The following DYNC1LI2 variants were observed in gnomAD, a reference collection of about 807,000 sequenced individuals.
DYNC1LI2 encodes the protein dynein cytoplasmic 1 light intermediate chain 2, also known as cytoplasmic dynein 1 light intermediate chain 2.
A neutral mutation model predicts 57.8 loss-of-function variants in DYNC1LI2; 19 were observed. The ratio of observed to expected loss-of-function variants is 0.33; its 90% CI spans 0.23 to 0.48. The LOEUF (loss-of-function observed/expected upper bound fraction) is 0.48. Among genes scored for constraint, DYNC1LI2 ranks in the 20% least tolerant of loss-of-function variants. The pLI, the probability that DYNC1LI2 is intolerant of heterozygous loss-of-function variation, is 0.99. For missense variants in DYNC1LI2, 470 were observed against 604.2 expected (o/e 0.78, Z 2.33); for synonymous variants, 256 against 233.4 (o/e 1.10, Z -0.88).
chr16:66,732,159 C>T (rs2017648406), intron 7 of DYNC1LI2, 180 bp downstream of exon 7: 5 of 827,214 alleles, frequency 6.0e-6, no homozygotes, highest in African/African-American at 1.7e-5. Context: ...CCCCTGACCA[C>T]ACCACCCACT....
At position 66,737,274 on chromosome 16, in the gene DYNC1LI2, TCAAAAAACAAAACAAAA is replaced by T. The variant is rs914071776; in HGVS notation, c.530-1047_530-1031del. 2.6e-5 allele frequency among the ~76,000 whole-genome samples: 4 copies of T among 151,082 alleles called. No homozygotes were observed. In the East Asian group the frequency reaches 5.9e-4, roughly 22 times the overall value. ...CTGGGCAACAGAGTGAGACTATACC[TCAAAAAACAAAACAAAA>T]CAAAAAACAAAAACAAACAAAAAAC... On this transcript the variant is annotated intron_variant, in intron 4 of 12. Coordinates refer to ENST00000258198, the MANE Select transcript of DYNC1LI2 (RefSeq NM_006141.3).
intron 6 of DYNC1LI2, 68 bp downstream of exon 6, chr16:66,734,150 T>G: frequency 6.8e-7 from 1 of 1,478,862 alleles, no homozygotes; most frequent in Non-Finnish European, 9.4e-7. Context: ...AGGTGCTTTA[T>G]CTCTTTGAAG....
At chr16:66,750,718 G>A (rs1218174075) in intron 2 of DYNC1LI2, among the ~76,000 whole-genome samples, 1 of 152,194 alleles carries the variant, frequency 6.6e-6, no homozygotes, top group East Asian at 1.9e-4. Context: ...CTGTGTGAAT[G>A]TACCCAAACT....
chr16:66,735,175 C>T (rs2017711938), intron 5 of DYNC1LI2, among the ~76,000 whole-genome samples: 1 of 149,906 alleles, frequency 6.7e-6, no homozygotes, highest in South Asian at 2.1e-4. Flanking sequence ...GCCATCTCAG[C>T]TCACTGCAAC....
rs1283378158 is a variant in DYNC1LI2, at chr16:66,722,723, C to T, written c.*999G>A. 6.5e-6 allele frequency: 1 copy of T among 153,146 alleles called. No individual in the cohort carries two copies. The highest frequency in any genetic ancestry group is 1.9e-4 in the East Asian group (1 of 5,204). The allele number at this position is 153,146 out of a possible 1,614,324, so 9.5% of individuals were successfully genotyped here. On this transcript the variant is annotated 3_prime_UTR_variant, in exon 13 of 13. Transcript: ENST00000258198. ...GCAGGGCTTGGTACGAGCCAATTAA[C>T]CAGAGTGCAATTACATTAAAAACCT...
intron 5 of DYNC1LI2, among the ~76,000 whole-genome samples, chr16:66,735,294 T>C (rs2017714386): frequency 6.6e-6 from 1 of 151,590 alleles, no homozygotes; most frequent in Admixed American, 6.6e-5. Context: ...AGAGACAGGG[T>C]TTCACCATGT....
At chr16:66,732,656 AAAAT>A (rs1429852772) in intron 6 of DYNC1LI2, 182 bp from the exon 7 acceptor site, 130 of 457,100 alleles carry the variant, frequency 2.8e-4, no homozygotes, top group South Asian at 6.1e-4. Flanking sequence ...CACACTGGTA[AAAAT>A]AAATAAATAA....
In DYNC1LI2 at chr16:66,725,956, T is replaced by A. The variant is rs1567447351; in HGVS notation, c.1262-12A>T. The A allele has an allele frequency of 5.0e-6, 8 of 1,603,376 alleles. No individual in the cohort carries two copies. Among genetic ancestry groups the A allele is most frequent in the Middle Eastern group, 1.7e-4 (1 of 5,992 alleles). ...ACTTGCTGCATTATCTAAGGAAAAT[T>A]AAAGAGAAAAAAAAGCATCATATAA... is the stretch of plus-strand genomic sequence containing the variant. On this transcript the variant is annotated splice_polypyrimidine_tract_variant and intron_variant, in intron 11 of 12. Transcript: ENST00000258198.
chr16:66,743,026 G>A (rs530845971), intron 3 of DYNC1LI2, among the ~76,000 whole-genome samples: 2 of 152,076 alleles, frequency 1.3e-5, no homozygotes, highest in East Asian at 1.9e-4. Context: ...GCCGGGCATC[G>A]TGACACTCGC....
chr16:66,736,322 C>A (rs1276638374), intron 4 of DYNC1LI2, 78 bp from the exon 5 acceptor site: 12 of 1,506,738 alleles, frequency 8.0e-6, no homozygotes, highest in Non-Finnish European at 1.1e-5. Flanking sequence ...GAAAAGAAGG[C>A]AATAATAAGC....
intron 4 of DYNC1LI2, 32 bp downstream of exon 4, chr16:66,742,406 C>G: frequency 1.2e-6 from 2 of 1,602,108 alleles, no homozygotes; most frequent in Non-Finnish European, 1.7e-6. Context: ...GACTCGTGAA[C>G]TTCCCAATTA....
intron 10 of DYNC1LI2, 125 bp from the exon 11 acceptor site, chr16:66,727,930 C>G (rs1352081818): frequency 1.1e-6 from 1 of 949,450 alleles, no homozygotes; most frequent in African/African-American, 1.6e-5. Flanking sequence ...TGGGAGTATG[C>G]TCTCAATTCA....
rs76282965 is a variant in DYNC1LI2 at position 66,723,826 on chromosome 16, A to G, written c.1379-4T>C. On this transcript the variant is annotated splice_region_variant and splice_polypyrimidine_tract_variant and intron_variant, in intron 12 of 12. Transcript: ENST00000258198. ...TTTGACAACACAGTCTTTTGTCCTG[A>G]AAAAAAAAAAAAGCAAAAAAGCAAA... The G allele has an allele frequency of 1.1e-5, 2 of 179,766 alleles. No individual in the cohort carries two copies. Among genetic ancestry groups the G allele is most frequent in the Non-Finnish European group, 1.6e-5 (2 of 121,786 alleles). The allele number at this position is 179,766 out of a possible 1,614,324, so 11.1% of individuals were successfully genotyped here. A position where few individuals can be genotyped will look rare whatever the true frequency, so the allele number is the denominator to read the frequency against.
intron 11 of DYNC1LI2, 28 bp downstream of exon 11, chr16:66,727,658 CAA>C (rs1461589367): frequency 5.0e-6 from 8 of 1,610,120 alleles, no homozygotes; most frequent in Non-Finnish European, 6.8e-6. Context: ...AACTACTCTC[CAA>C]AGAGACATAC....
At chr16:66,730,834 G>C (rs2017622505) in intron 7 of DYNC1LI2, 1 of 152,268 alleles carries the variant, frequency 6.6e-6, no homozygotes, top group Non-Finnish European at 1.5e-5. Flanking sequence ...CACAGGGTAG[G>C]ATGGCACCCA....
intron 8 of DYNC1LI2, among the ~76,000 whole-genome samples, chr16:66,729,732 C>T (rs866798328): frequency 3.3e-5 from 5 of 151,612 alleles, no homozygotes; most frequent in Admixed American, 6.6e-5. Context: ...TCAGCCACCA[C>T]GCCCCATCTT....
Position 66,742,533 on chromosome 16 carries a change from A to G in DYNC1LI2, c.434T>C (p.Val145Ala). The G allele has an allele frequency of 6.2e-7, 1 of 1,614,226 alleles. No individual in the cohort carries two copies. The highest frequency in any genetic ancestry group is 1.3e-5 in the African/African-American group (1 of 75,050). The change falls in exon 4 of 13, where the codon GTG (valine) becomes GCG (alanine). Residue 145 changes from valine to alanine, a missense_variant. Physicochemically the swap from Val to Ala is moderately conservative, Grantham distance 64. Coordinates refer to ENST00000258198, the MANE Select transcript of DYNC1LI2 (RefSeq NM_006141.3). ...AGCCCATTTCTGCAGAGATTCCATC[A>G]CAGTCCAAGGTCTAGACATGTCTGC... ...FVADMSRPWT[V>A]MESLQKWASV... is the part of the protein sequence containing the mutation.
chr16:66,732,595 G>A, intron 6 of DYNC1LI2, 121 bp from the exon 7 acceptor site: 1 of 1,091,698 alleles, frequency 9.2e-7, no homozygotes, highest in East Asian at 2.8e-5. Flanking sequence ...GCAACAGAAA[G>A]CATTACAATT....
In DYNC1LI2 at chr16:66,740,900, G is replaced by A. The variant is rs147978986; in HGVS notation, c.529+1538C>T. ...CAGGAGAGAAATAACCCTCAGTCTT[G>A]TTTAAGCCATTATGTTATCTCAGGT... On this transcript the variant is annotated intron_variant, in intron 4 of 12. Transcript: ENST00000258198. Among the ~76,000 whole-genome samples the A allele has an allele frequency of 2.0e-5, 3 of 152,266 alleles. No homozygotes were observed. The East Asian group carries it at 5.8e-4, about 29-fold the overall frequency.
Sources: gnomAD v4.1 joint callset for allele counts (sites outside exome capture counted in the v4.1 genomes callset) on GRCh38, gnomAD v4.1.1 for gene constraint, MANE v1.5 for transcripts, NCBI Gene and HGNC (gene_info 2026-07-23, HGNC 2026-07-21) for gene names.